C1QTNF9: variants seen among roughly 807,000 people sequenced by gnomAD.
C1QTNF9 encodes C1q and TNF related 9, also known as complement C1q and tumor necrosis factor-related protein 9A.
A neutral mutation model predicts 10.1 loss-of-function variants in C1QTNF9; 6 were observed. The observed-to-expected ratio is 0.59, with a 90% CI of 0.32 to 1.17. The LOEUF (loss-of-function observed/expected upper bound fraction) is 1.17. C1QTNF9 is among the 50% of genes most tolerant of loss of function. The probability of loss-of-function intolerance (pLI) is 0.04; values close to 1 mark genes in which losing one functional copy is unlikely to be tolerated. For synonymous variants in C1QTNF9, 98 were observed against 163.5 expected, an observed-to-expected ratio of 0.60 and a Z score of 3.06; for missense variants, 201 against 418.8, an observed-to-expected ratio of 0.48 and a Z score of 4.54.
chr13:24,320,849 A>T, intron 3 of C1QTNF9, 147 bp from the exon 4 acceptor site: 2 of 669,532 alleles, frequency 3.0e-6, no homozygotes, highest in Non-Finnish European at 4.9e-6. Flanking sequence ...CTGCACCCAG[A>T]TGGAGTAATT....
rs368935651 is a variant in C1QTNF9 at position 24,320,559 on chromosome 13, A to AT, written c.230-431dup. On this transcript the variant is annotated intron_variant, in intron 3 of 3. Transcript: ENST00000332018. The stretch of plus-strand genomic sequence containing the variant: ...ACCACCGCGCCTGGCTAATTTTTGT[A>AT]TTTTTTGCAGAGATAAGGTTTGGCC... Among the ~76,000 whole-genome samples, 522 of 151,866 alleles carry AT rather than the reference A, an allele frequency of 3.4e-3. 6 individuals are homozygous for AT. The highest frequency in any genetic ancestry group is 0.012 in the African/African-American group (492 of 41,426).
chr13:24,311,691 G>T (rs1877828141), intron 1 of C1QTNF9, among the ~76,000 whole-genome samples: 1 of 152,212 alleles, frequency 6.6e-6, no homozygotes, highest in African/African-American at 2.4e-5. Context: ...GCTCAGCTGT[G>T]TGTCAAGACC....
intron 1 of C1QTNF9, chr13:24,315,735 C>A: frequency 1.9e-6 from 1 of 525,938 alleles, no homozygotes; most frequent in South Asian, 3.6e-5. Flanking sequence ...TGACCTTAAA[C>A]TTGGCTTTTT....
intron 3 of C1QTNF9, among the ~76,000 whole-genome samples, chr13:24,320,268 G>C (rs1273515423): frequency 6.6e-6 from 1 of 152,180 alleles, no homozygotes. Flanking sequence ...AGATGGTAGG[G>C]TTGTAATTTC....
exon 4 of C1QTNF9, chr13:24,321,813 C>G: frequency 1.3e-6 from 2 of 1,510,062 alleles, no homozygotes; most frequent in Non-Finnish European, 1.8e-6. Context: ...TCAGAATCAG[C>G]TTGGGATGAA....
At chr13:24,314,572 C>G (rs533693599) in intron 1 of C1QTNF9, among the ~76,000 whole-genome samples, 73 of 152,224 alleles carry the variant, frequency 4.8e-4, no homozygotes, top group African/African-American at 1.7e-3. Context: ...GTCCCAGCTA[C>G]TTGAGAAGCC....
chr13:24,315,886 G>T, intron 1 of C1QTNF9, 96 bp from the exon 2 acceptor site: 1 of 1,347,168 alleles, frequency 7.4e-7, no homozygotes, highest in South Asian at 1.3e-5. Context: ...TGGGGCAGGG[G>T]ACAGCTCATC....
exon 4 of C1QTNF9, chr13:24,322,136 TG>T (rs1473014344): frequency 3.1e-5 from 6 of 192,268 alleles, no homozygotes; most frequent in Non-Finnish European, 1.0e-5. Flanking sequence ...TAGAGGGAAA[TG>T]TTTATTCAAT....
intron 1 of C1QTNF9, among the ~76,000 whole-genome samples, chr13:24,310,019 G>A (rs1205524468): frequency 2.7e-4 from 41 of 149,960 alleles, no homozygotes; most frequent in Non-Finnish European, 1.0e-4. Flanking sequence ...TCAGTCTCCC[G>A]AGTAGCTGGG....
At chr13:24,309,306 T>TATATATATATATA (rs963863876), upstream of C1QTNF9, among the ~76,000 whole-genome samples, 18 of 134,078 alleles carry the variant, frequency 1.3e-4, 1 homozygote, top group South Asian at 1.7e-3. Flanking sequence ...TATATATATA[T>TATATATATATATA]ATGAAAGAAA....
At chr13:24,308,567 G>A (rs998169161), upstream of C1QTNF9, among the ~76,000 whole-genome samples, 1 of 152,258 alleles carries the variant, frequency 6.6e-6, no homozygotes, top group African/African-American at 2.4e-5. Flanking sequence ...TGAGGCACGG[G>A]GGCGAGTAAG....
intron 1 of C1QTNF9, among the ~76,000 whole-genome samples, chr13:24,313,037 G>A (rs1198744075): frequency 1.3e-5 from 2 of 152,056 alleles, no homozygotes; most frequent in African/African-American, 2.4e-5. Flanking sequence ...GAAGGCTGAG[G>A]CAGGAGGACC....
chr13:24,315,845 C>T (rs113966331), intron 1 of C1QTNF9, 137 bp from the exon 2 acceptor site: 69,148 of 872,302 alleles, frequency 0.079, 4,483 homozygotes, highest in Middle Eastern at 0.15. Flanking sequence ...CTGCCCTGAG[C>T]CTTCTGTCCA....
chr13:24,314,315 ATTAC>A (rs1309743182), intron 1 of C1QTNF9, among the ~76,000 whole-genome samples: 1 of 151,424 alleles, frequency 6.6e-6, no homozygotes, highest in South Asian at 2.1e-4. Context: ...TGGCGGGAGG[ATTAC>A]TTGAGCTCAG....
intron 2 of C1QTNF9, 110 bp from the exon 3 acceptor site, chr13:24,318,708 G>C: frequency 1.4e-6 from 2 of 1,477,366 alleles, no homozygotes; most frequent in Non-Finnish European, 1.9e-6. Context: ...TGCCCGTCAG[G>C]GCGGGGGTCA....
intron 1 of C1QTNF9, among the ~76,000 whole-genome samples, chr13:24,310,402 C>T (rs1196966796): frequency 1.3e-5 from 2 of 149,154 alleles, no homozygotes; most frequent in African/African-American, 2.5e-5. Flanking sequence ...CCGCCTGCCT[C>T]GGCCTCCCAA....
intron 1 of C1QTNF9, among the ~76,000 whole-genome samples, chr13:24,312,729 G>C (rs28589523): frequency 6.6e-6 from 1 of 151,652 alleles, no homozygotes; most frequent in Non-Finnish European, 1.5e-5. Context: ...GGCCGAGGTG[G>C]GCGAATCACA....
At chr13:24,309,306 T>TATATATATATA (rs963863876), upstream of C1QTNF9, among the ~76,000 whole-genome samples, 22 of 134,026 alleles carry the variant, frequency 1.6e-4, 3 homozygotes, top group African/African-American at 5.6e-4. Context: ...TATATATATA[T>TATATATATATA]ATGAAAGAAA....
chr13:24,317,218 A>T (rs1593534783), intron 2 of C1QTNF9, among the ~76,000 whole-genome samples: 3 of 152,002 alleles, frequency 2.0e-5, no homozygotes, highest in South Asian at 4.2e-4. Flanking sequence ...ACCATTAATG[A>T]AATCAGGTCT....
Sources: gnomAD v4.1 joint callset for allele counts (sites outside exome capture counted in the v4.1 genomes callset) on GRCh38, gnomAD v4.1.1 for gene constraint, MANE v1.5 for transcripts, NCBI Gene and HGNC (gene_info 2026-07-23, HGNC 2026-07-21) for gene names.